The following AGAP1 variants were observed in gnomAD, a reference collection of about 807,000 sequenced individuals.
AGAP1 encodes the protein arf-GAP with GTPase, ANK repeat and PH domain-containing protein 1.
A neutral mutation model predicts 105.3 loss-of-function variants in AGAP1; 29 were observed. That is an observed-to-expected ratio of 0.28 (90% confidence interval 0.21 to 0.38). AGAP1 has a LOEUF of 0.38. AGAP1 is among the 10% of genes least tolerant of loss of function. The probability of loss-of-function intolerance (pLI) is 1.00; values close to 1 mark genes in which losing one functional copy is unlikely to be tolerated. For missense variants in AGAP1, 998 were observed against 1,165.1 expected, an observed-to-expected ratio of 0.86 and a Z score of 2.09; for synonymous variants, 509 against 485.9, an observed-to-expected ratio of 1.05 and a Z score of -0.63.
chr2:235,751,298 G>A lies in AGAP1; in HGVS notation c.673+810G>A, dbSNP rs1241108939. The stretch of plus-strand genomic sequence containing the variant: ...TTGGGAGAGGCATGGTTCTGGCAGA[G>A]GGTCCCCTTGCTGGTGGGAGTGGTG... On this transcript the variant is annotated intron_variant, in intron 6 of 17. Transcript: ENST00000304032. This position sits in a 1 kb window ranked among gnomAD's most constrained non-coding sequence, Gnocchi z 5.3. Among the ~76,000 whole-genome samples the A allele has an allele frequency of 6.6e-6, 1 of 152,168 alleles. No homozygotes were observed. Among genetic ancestry groups the A allele is most frequent in the Non-Finnish European group, 1.5e-5 (1 of 68,026 alleles).
rs1215493779 is a variant in AGAP1 at position 235,788,759 on chromosome 2, C to T, written c.674-9000C>T. 3.3e-5 allele frequency among the ~76,000 whole-genome samples: 5 copies of T among 152,102 alleles called. No homozygotes were observed. The highest frequency in any genetic ancestry group is 5.9e-5 in the Non-Finnish European group (4 of 68,024). On this transcript the variant is annotated intron_variant, in intron 6 of 17. Coordinates refer to ENST00000304032, the MANE Select transcript of AGAP1 (RefSeq NM_001037131.3). This position sits in a 1 kb window ranked among gnomAD's most constrained non-coding sequence, Gnocchi z 6.0. ...CCCAAATGGTGGGGAGAAGTGCTGG[C>T]GGAAGCAGAATGGAGCCCTCAGAAG...
chr2:235,990,824 T>C (rs1052694670), intron 13 of AGAP1, among the ~76,000 whole-genome samples: 2 of 152,218 alleles, frequency 1.3e-5, no homozygotes, highest in Non-Finnish European at 2.9e-5. Context: ...AAATGTAATT[T>C]GCAACAGTAA....
chr2:235,813,310 G>A (rs1481566928), intron 9 of AGAP1, among the ~76,000 whole-genome samples: 1 of 152,240 alleles, frequency 6.6e-6, no homozygotes, highest in Non-Finnish European at 1.5e-5. Flanking sequence ...CAATCGAAAA[G>A]AATACTTCCC....
intron 9 of AGAP1, among the ~76,000 whole-genome samples, chr2:235,819,524 C>G (rs1274880022): frequency 6.6e-6 from 1 of 152,190 alleles, no homozygotes; most frequent in Non-Finnish European, 1.5e-5. Context: ...TCTTTCCTTT[C>G]CCGCCTCACA....
rs2057577660 is a variant in AGAP1 at position 236,042,406 on chromosome 2, T to C, written c.1891+1565T>C. On this transcript the variant is annotated intron_variant, in intron 15 of 17. Transcript: ENST00000304032. The surrounding 1 kb of genome is among the most constrained non-coding windows in gnomAD (Gnocchi z 5.6). Reference sequence around the variant, plus strand: ...GGTATCTTGAGGTTCTTCTTTAAAGTACCTCCTTATGTTTGAATGTTTAAG... The same window carrying C: ...GGTATCTTGAGGTTCTTCTTTAAAGCACCTCCTTATGTTTGAATGTTTAAG... 6.6e-6 allele frequency among the ~76,000 whole-genome samples: 1 copy of C among 152,230 alleles called. No homozygotes were observed. The highest frequency in any genetic ancestry group is 1.9e-4 in the East Asian group (1 of 5,198).
intron 1 of AGAP1, among the ~76,000 whole-genome samples, chr2:235,573,054 C>CTTCTTCTTTCTTCTTTCTTCT (rs554093718): frequency 9.0e-5 from 2 of 22,184 alleles, no homozygotes; most frequent in African/African-American, 5.5e-4. Flanking sequence ...TCTTCTTCTT[C>CTTCTTCTTTCTTCTTTCTTCT]TTCTTCTTTC....
chr2:235,650,409 G>GTCCTTCCA (rs1487330922), intron 1 of AGAP1, among the ~76,000 whole-genome samples: 4 of 151,976 alleles, frequency 2.6e-5, no homozygotes, highest in Non-Finnish European at 5.9e-5. Context: ...CTGTCCTTAC[G>GTCCTTCCA]TCCTTCCATC....
At chr2:235,730,149 T>C (rs961130697) in intron 3 of AGAP1, among the ~76,000 whole-genome samples, 1 of 152,116 alleles carries the variant, frequency 6.6e-6, no homozygotes, top group Admixed American at 6.5e-5. Context: ...CTTCCTGAAT[T>C]GCATATTGAA....
At chr2:235,672,224 T>C (rs1948474002) in intron 1 of AGAP1, among the ~76,000 whole-genome samples, 1 of 152,214 alleles carries the variant, frequency 6.6e-6, no homozygotes, top group Admixed American at 6.5e-5. Flanking sequence ...CCCTAGGGTT[T>C]ATGTTAAAAC....
rs569102950 is a variant in AGAP1, at chr2:235,838,046, C to T, written c.1050+30715C>T. ...AAAAACACAAAAAAACTTAGCTGGG[C>T]GTCGTGGTGTGCACATGTAGTCCCA... On this transcript the variant is annotated intron_variant, in intron 9 of 17. Coordinates refer to ENST00000304032, the MANE Select transcript of AGAP1 (RefSeq NM_001037131.3). 3.3e-5 allele frequency among the ~76,000 whole-genome samples: 5 copies of T among 152,150 alleles called. No individual in the cohort carries two copies. The South Asian group carries it at 8.3e-4, about 25-fold the overall frequency.
At chr2:235,702,934 G>GTTTTTTTTTTGTTTTTTTTTTTTTTT (rs1553609551) in intron 1 of AGAP1, among the ~76,000 whole-genome samples, 2 of 88,942 alleles carry the variant, frequency 2.2e-5, no homozygotes, top group Admixed American at 1.5e-4. Context: ...AGTTTTCTTG[G>GTTTTTTTTTTGTTTTTTTTTTTTTTT]TTTTTTTTTT....
In AGAP1 at chr2:235,615,465, A is replaced by T. The variant is rs190904776; in HGVS notation, c.164-93714A>T. 2.2e-3 allele frequency among the ~76,000 whole-genome samples: 333 copies of T among 152,320 alleles called. No homozygotes were observed. The highest frequency in any genetic ancestry group is 3.9e-3 in the South Asian group (19 of 4,820). On this transcript the variant is annotated intron_variant, in intron 1 of 17. Coordinates refer to ENST00000304032, the MANE Select transcript of AGAP1 (RefSeq NM_001037131.3). The surrounding 1 kb of genome is among the most constrained non-coding windows in gnomAD (Gnocchi z 5.0). ...AAAGCATTATCTCTCTACTGTTTGT[A>T]GGCAGAGAATTTATTAAATCTTGCC...
chr2:235,883,243 T>A lies in AGAP1; in HGVS notation c.1051-102T>A, dbSNP rs1054880190. The A allele has an allele frequency of 9.7e-6, 9 of 929,716 alleles. No homozygotes were observed. Among genetic ancestry groups the A allele is most frequent in the Non-Finnish European group, 1.5e-5 (9 of 588,490 alleles). 57.6% of individuals were successfully genotyped at this position (929,716 alleles called of 1,614,324 possible). ...ATTCGCCAGTATCACAGAGTGAAGT[T>A]CTGCACACACACAGAACTTGAATGT... is the stretch of plus-strand genomic sequence containing the variant. On this transcript the variant is annotated intron_variant, in intron 9 of 17. Transcript: ENST00000304032. This position sits in a 1 kb window ranked among gnomAD's most constrained non-coding sequence, Gnocchi z 4.5.
Position 235,608,977 on chromosome 2 carries a change from G to C in AGAP1, c.164-100202G>C, listed in dbSNP as rs781128043. On this transcript the variant is annotated intron_variant, in intron 1 of 17. Coordinates refer to ENST00000304032, the MANE Select transcript of AGAP1 (RefSeq NM_001037131.3). This position sits in a 1 kb window ranked among gnomAD's most constrained non-coding sequence, Gnocchi z 5.4. Reference sequence around the variant, plus strand: ...AGTACTAGGAATAATAGTAGTAGAAGTAGTAATAATAATTACAGAAGAGCA... The same window carrying C: ...AGTACTAGGAATAATAGTAGTAGAACTAGTAATAATAATTACAGAAGAGCA... Among the ~76,000 whole-genome samples, 19 of 151,828 alleles carry C rather than the reference G, an allele frequency of 1.3e-4. No individual in the cohort carries two copies. The highest frequency in any genetic ancestry group is 2.1e-4 in the Non-Finnish European group (14 of 68,020).
At chr2:235,922,408 A>G (rs1472708472) in intron 11 of AGAP1, among the ~76,000 whole-genome samples, 1 of 152,214 alleles carries the variant, frequency 6.6e-6, no homozygotes, top group Non-Finnish European at 1.5e-5. Context: ...TATCGCCATC[A>G]CCAAGAGTTG....
At chr2:235,627,317 C>T (rs898288129) in intron 1 of AGAP1, among the ~76,000 whole-genome samples, 2 of 151,500 alleles carry the variant, frequency 1.3e-5, no homozygotes, top group African/African-American at 4.9e-5. Context: ...CTCTACCTCC[C>T]GAGTTTAAGC....
rs1194819270 is a variant in AGAP1, at chr2:235,951,549, A to G, written c.1484-16913A>G. 6.6e-6 allele frequency among the ~76,000 whole-genome samples: 1 copy of G among 152,230 alleles called. No individual in the cohort carries two copies. Among genetic ancestry groups the G allele is most frequent in the Non-Finnish European group, 1.5e-5 (1 of 68,042 alleles). On this transcript the variant is annotated intron_variant, in intron 12 of 17. Coordinates refer to ENST00000304032, the MANE Select transcript of AGAP1 (RefSeq NM_001037131.3). This position sits in a 1 kb window ranked among gnomAD's most constrained non-coding sequence, Gnocchi z 4.2. ...GGGTTGGTTTAAGATTGCCATGACCACATATTAATAGTTGCACTGAGAAAC... is the reference window on the plus strand; with the variant it reads ...GGGTTGGTTTAAGATTGCCATGACCGCATATTAATAGTTGCACTGAGAAAC...
In AGAP1 at chr2:236,090,290, A is replaced by G. The variant is rs1360302320; in HGVS notation, c.2115-29902A>G. ...CTCAGGCGTACCATGCAAAGAGGAC[A>G]TAGCCACCCTCTTATTTCAAGAGCA... On this transcript the variant is annotated intron_variant, in intron 16 of 17. Coordinates refer to ENST00000304032, the MANE Select transcript of AGAP1 (RefSeq NM_001037131.3). The surrounding 1 kb of genome is among the most constrained non-coding windows in gnomAD (Gnocchi z 4.3). Among the ~76,000 whole-genome samples, 1 of 152,250 alleles carries G rather than the reference A, an allele frequency of 6.6e-6. No individual in the cohort carries two copies. Among genetic ancestry groups the G allele is most frequent in the Non-Finnish European group, 1.5e-5 (1 of 68,042 alleles).
At chr2:235,796,053 C>T (rs1957228553) in intron 6 of AGAP1, among the ~76,000 whole-genome samples, 1 of 152,208 alleles carries the variant, frequency 6.6e-6, no homozygotes, top group Non-Finnish European at 1.5e-5. Context: ...TTAATTCTGA[C>T]ATCTGCACAT....
Sources: allele counts gnomAD v4.1 joint callset (sites outside exome capture counted in the v4.1 genomes callset), GRCh38; gene constraint gnomAD v4.1.1; non-coding constraint Gnocchi (gnomAD v3.1); transcripts MANE v1.5; gene names NCBI Gene and HGNC (gene_info 2026-07-23, HGNC 2026-07-21).